The following SYNE2 variants were observed in gnomAD, a reference collection of about 807,000 sequenced individuals.
SYNE2 encodes the protein spectrin repeat containing nuclear envelope protein 2, also known as nesprin-2.
A neutral mutation model predicts 856.3 loss-of-function variants in SYNE2; 431 were observed. The ratio of observed to expected loss-of-function variants is 0.50; its 90% CI spans 0.47 to 0.55. SYNE2 has a LOEUF of 0.55. Among genes scored for constraint, SYNE2 ranks in the 20% least tolerant of loss-of-function variants. The pLI is 0.00. For synonymous variants in SYNE2, 2,923 were observed against 2,872.3 expected, an observed-to-expected ratio of 1.02 and a Z score of -0.56; for missense variants, 8,129 against 8,023.2, an observed-to-expected ratio of 1.01 and a Z score of -0.50.
At position 64,112,369 on chromosome 14, in the gene SYNE2, A is replaced by G. The variant is rs372006300; in HGVS notation, c.12610-972A>G. Among the ~76,000 whole-genome samples the G allele has an allele frequency of 1.7e-4, 26 of 152,382 alleles. 1 individual carries two copies. Among genetic ancestry groups the G allele is most frequent in the Middle Eastern group, 3.4e-3 (1 of 294 alleles). ...AATATTTTTTGAGAGCAAAAGGTTT[A>G]TACAGCAAAACACAAATCCTTATTC... On this transcript the variant is annotated intron_variant, in intron 65 of 115. Coordinates refer to ENST00000555002, the MANE Select transcript of SYNE2 (RefSeq NM_182914.3).
At chr14:63,965,741 C>T (rs1255405374) in intron 10 of SYNE2, among the ~76,000 whole-genome samples, 1 of 152,200 alleles carries the variant, frequency 6.6e-6, no homozygotes, top group Non-Finnish European at 1.5e-5. Flanking sequence ...AACTTGCTGG[C>T]CATACTTTCC....
chr14:64,034,495 A>C (rs1291120473), intron 45 of SYNE2: 1 of 505,154 alleles, frequency 2.0e-6, no homozygotes, highest in East Asian at 3.1e-5. Context: ...TAATCTTAGA[A>C]TTTTGTTGAA....
At chr14:63,911,674 C>T (rs1168286244) in intron 2 of SYNE2, among the ~76,000 whole-genome samples, 1 of 152,122 alleles carries the variant, frequency 6.6e-6, no homozygotes, top group African/African-American at 2.4e-5. Context: ...TGTTACACTT[C>T]AAAGAACAGT....
rs774171884 is a variant in SYNE2 at position 64,208,913 on chromosome 14, C to G, written c.18357C>G (p.Asn6119Lys). The change falls in exon 101 of 116, where the codon AAC becomes AAG. Residue 6119 changes from asparagine to lysine, a missense_variant. Physicochemically the swap from Asn to Lys is moderately conservative, Grantham distance 94. Around this residue, in one of 3 missense-constraint regions of SYNE2, gnomAD observed 5,410 missense variants for 5,284.8 expected, o/e 1.02. Coordinates refer to ENST00000555002, the MANE Select transcript of SYNE2 (RefSeq NM_182914.3). ...GGAGCCTGGACAGACGCTGGAGGAA[C>G]ATTTGTGCCATGTCCATGGAGCGGC... ...TTRSLDRRWR[N>K]ICAMSMERRM... is the part of the protein sequence containing the mutation. The G allele has an allele frequency of 1.2e-6, 2 of 1,614,156 alleles. No individual in the cohort carries two copies. Among genetic ancestry groups the G allele is most frequent in the Admixed American group, 3.3e-5 (2 of 60,024 alleles).
chr14:64,027,033 A>G (rs1019536832), intron 42 of SYNE2, among the ~76,000 whole-genome samples: 52 of 152,232 alleles, frequency 3.4e-4, no homozygotes, highest in African/African-American at 1.1e-3. Context: ...TTCTTAATTC[A>G]TATCATGTCT....
At chr14:64,224,852 T>A (rs2098711358) in intron 114 of SYNE2, 147 bp from the exon 115 acceptor site, 2 of 786,872 alleles carry the variant, frequency 2.5e-6, no homozygotes, top group Non-Finnish European at 2.2e-6. Flanking sequence ...TGACGTTTAA[T>A]CTCAATTGTA....
chr14:63,780,345 C>A (rs530480175), intron 1 of SYNE2, among the ~76,000 whole-genome samples: 1 of 152,128 alleles, frequency 6.6e-6, no homozygotes, highest in Non-Finnish European at 1.5e-5. Flanking sequence ...ACCAGCCTGG[C>A]AAACATGGCG....
chr14:63,969,238 C>T lies in SYNE2; in HGVS notation c.1128+1392C>T, dbSNP rs1428226052. Among the ~76,000 whole-genome samples the T allele has an allele frequency of 4.7e-5, 7 of 148,566 alleles. No homozygotes were observed. The Admixed American group carries it at 4.8e-4, about 10-fold the overall frequency. ...AGGCTAGAGTGCAATGGTGTGATCT[C>T]AGCTCATTGCAAACTCTGACTCCTG... is the stretch of plus-strand genomic sequence containing the variant. On this transcript the variant is annotated intron_variant, in intron 11 of 115. Transcript: ENST00000555002.
chr14:63,804,436 G>A (rs948511225), intron 1 of SYNE2, among the ~76,000 whole-genome samples: 1 of 151,952 alleles, frequency 6.6e-6, no homozygotes, highest in Admixed American at 6.6e-5. Context: ...TGAAATCGAC[G>A]ATGACCTATA....
chr14:64,190,333 A>G, intron 99 of SYNE2, 96 bp downstream of exon 99: 2 of 1,531,818 alleles, frequency 1.3e-6, no homozygotes, highest in Non-Finnish European at 1.8e-6. Context: ...ATGATCCAGC[A>G]ATTTTATAAG....
intron 19 of SYNE2, among the ~76,000 whole-genome samples, chr14:63,988,386 T>A (rs2096641691): frequency 6.6e-6 from 1 of 152,248 alleles, no homozygotes; most frequent in Non-Finnish European, 1.5e-5. Context: ...CTATAAATAT[T>A]TTCTCTACAT....
At chr14:64,007,635 G>A (rs2096807254) in intron 31 of SYNE2, among the ~76,000 whole-genome samples, 1 of 152,170 alleles carries the variant, frequency 6.6e-6, no homozygotes, top group African/African-American at 2.4e-5. Flanking sequence ...CCAGCACTTT[G>A]TGAGGCTGAA....
chr14:64,073,517 C>T (rs1394851749), intron 52 of SYNE2, among the ~76,000 whole-genome samples: 1 of 152,120 alleles, frequency 6.6e-6, no homozygotes, highest in African/African-American at 2.4e-5. Context: ...CCAAATAACC[C>T]TCAGGAAAGA....
chr14:64,098,929 GT>G (rs1567291947), intron 63 of SYNE2, 108 bp downstream of exon 63: 1 of 1,098,858 alleles, frequency 9.1e-7, no homozygotes, highest in Admixed American at 2.0e-5. Context: ...TAAAATTAAT[GT>G]TGATATTTTA....
chr14:63,965,909 A>G (rs1215367952), intron 10 of SYNE2, among the ~76,000 whole-genome samples: 1 of 152,130 alleles, frequency 6.6e-6, no homozygotes, highest in Non-Finnish European at 1.5e-5. Flanking sequence ...TATTGTTCTC[A>G]CATATGTCTT....
rs75778641 is a variant in SYNE2 at position 64,143,636 on chromosome 14, G to A, written c.15307-136G>A. ...CCAACTCCTGGTGTAGGTTGGGGAGGGTAGAACAGAACTCCTGACAGGTGC... is the reference window on the plus strand; with the variant it reads ...CCAACTCCTGGTGTAGGTTGGGGAGAGTAGAACAGAACTCCTGACAGGTGC... On this transcript the variant is annotated intron_variant, in intron 82 of 115. Coordinates refer to ENST00000555002, the MANE Select transcript of SYNE2 (RefSeq NM_182914.3). 87,546 of 868,300 alleles carry A rather than the reference G, an allele frequency of 0.1. 5,269 individuals carry two copies. Among genetic ancestry groups the A allele is most frequent in the East Asian group, 0.21 (8,353 of 39,698 alleles). The allele number at this position is 868,300 out of a possible 1,614,324, so 53.8% of individuals were successfully genotyped here.
At chr14:64,031,506 G>A in intron 45 of SYNE2, 149 bp downstream of exon 45, 2 of 750,418 alleles carry the variant, frequency 2.7e-6, no homozygotes, top group South Asian at 3.4e-5. Context: ...TGTAAAAAGA[G>A]CTCTTAGAAA....
At position 64,052,355 on chromosome 14, in the gene SYNE2, A is replaced by G. The variant is rs1362042654; in HGVS notation, c.8442A>G (p.Gln2814=). 4 of 1,614,090 alleles carry G rather than the reference A, an allele frequency of 2.5e-6. No homozygotes were observed. In the African/African-American group the frequency reaches 5.3e-5, roughly 22 times the overall value. ...LNNTLEDLRN[Q]YQMLVLKSTQ... is the part of the protein sequence containing the mutation. Reference sequence around the variant, plus strand: ...ATACCCTAGAGGACTTACGGAATCAATACCAAATGCTGGTTTTAAAATCAA... The same window carrying G: ...ATACCCTAGAGGACTTACGGAATCAGTACCAAATGCTGGTTTTAAAATCAA... The change falls in exon 48 of 116, where the codon CAA becomes CAG. Residue 2814 remains glutamine (Q), a synonymous_variant. Transcript: ENST00000555002.
chr14:64,206,976 T>G (rs1164008323), intron 100 of SYNE2, among the ~76,000 whole-genome samples: 6 of 152,214 alleles, frequency 3.9e-5, no homozygotes, highest in African/African-American at 1.4e-4. Context: ...TTTATTTAGA[T>G]GTAATAACTT....
Sources: gnomAD v4.1 joint callset for allele counts (sites outside exome capture counted in the v4.1 genomes callset) on GRCh38, gnomAD v4.1.1 for gene constraint, gnomAD v4.1.1 regional missense constraint, MANE v1.5 for transcripts, NCBI Gene and HGNC (gene_info 2026-07-23, HGNC 2026-07-21) for gene names.